Variants in PDE3A observed in about 807,000 individuals in gnomAD.
PDE3A encodes cGMP-inhibited 3',5'-cyclic phosphodiesterase 3A.
PDE3A carries 43 observed loss-of-function variants against 98.3 expected under a neutral mutation model. The ratio of observed to expected loss-of-function variants is 0.44; its 90% CI spans 0.34 to 0.56. The LOEUF (loss-of-function observed/expected upper bound fraction) is 0.56. Ranked by LOEUF, PDE3A falls within the 20% of genes least tolerant of loss-of-function variation. The pLI is 0.01. For missense variants in PDE3A, 1,427 were observed against 1,440.7 expected (o/e 0.99, Z 0.15); for synonymous variants, 663 against 567.9 (o/e 1.17, Z -2.38).
intron 1 of PDE3A, among the ~76,000 whole-genome samples, chr12:20,526,198 A>G (rs1946514365): frequency 6.6e-6 from 1 of 152,110 alleles, no homozygotes; most frequent in African/African-American, 2.4e-5. Context: ...CTCATCTTCT[A>G]TTTAGTTGAT....
chr12:20,621,433 G>A (rs762113898), intron 5 of PDE3A, 22 bp downstream of exon 5: 8 of 1,232,786 alleles, frequency 6.5e-6, no homozygotes, highest in Non-Finnish European at 7.2e-6. Context: ...AACTGGAGAA[G>A]GGTTCATACT....
At chr12:20,470,673 A>T (rs1186456985) in intron 1 of PDE3A, among the ~76,000 whole-genome samples, 1 of 152,160 alleles carries the variant, frequency 6.6e-6, no homozygotes, top group East Asian at 1.9e-4. Context: ...CTTAAATAAT[A>T]ATCTTGGAAT....
intron 1 of PDE3A, among the ~76,000 whole-genome samples, chr12:20,539,229 A>G (rs1941833491): frequency 6.6e-6 from 1 of 152,176 alleles, no homozygotes; most frequent in Non-Finnish European, 1.5e-5. Flanking sequence ...ACCCACGTCT[A>G]AAACACAAAA....
chr12:20,422,083 A>G (rs952365479), intron 1 of PDE3A, among the ~76,000 whole-genome samples: 4 of 152,338 alleles, frequency 2.6e-5, no homozygotes, highest in South Asian at 2.1e-4. Flanking sequence ...GCAATGGCTC[A>G]CGCCTGTAAT....
intron 15 of PDE3A, among the ~76,000 whole-genome samples, chr12:20,671,227 A>T (rs1945469677): frequency 6.7e-6 from 1 of 148,782 alleles, no homozygotes; most frequent in Non-Finnish European, 1.5e-5. Context: ...AACAAAAAAG[A>T]GTCCAGGACC....
At chr12:20,589,611 G>A (rs1249448089) in intron 2 of PDE3A, among the ~76,000 whole-genome samples, 2 of 152,010 alleles carry the variant, frequency 1.3e-5, no homozygotes, top group Admixed American at 1.3e-4. Flanking sequence ...GCTCACACCT[G>A]TAATCCCAGC....
At chr12:20,579,474 C>T (rs556730154) in intron 2 of PDE3A, among the ~76,000 whole-genome samples, 2 of 152,200 alleles carry the variant, frequency 1.3e-5, no homozygotes, top group Non-Finnish European at 2.9e-5. Flanking sequence ...AAATACAGAT[C>T]ACAGTAACCA....
intron 14 of PDE3A, 130 bp downstream of exon 14, chr12:20,650,730 G>A: frequency 2.1e-6 from 1 of 476,720 alleles, no homozygotes; most frequent in Non-Finnish European, 3.6e-6. Flanking sequence ...AAAATGCACT[G>A]GTCAATTTTG....
At chr12:20,440,735 T>A (rs1944857564) in intron 1 of PDE3A, among the ~76,000 whole-genome samples, 1 of 152,156 alleles carries the variant, frequency 6.6e-6, no homozygotes, top group South Asian at 2.1e-4. Flanking sequence ...GTTTGTGAAA[T>A]CTTTATCCCT....
intron 1 of PDE3A, among the ~76,000 whole-genome samples, chr12:20,549,247 A>G (rs1473101560): frequency 6.6e-6 from 1 of 151,440 alleles, no homozygotes; most frequent in Non-Finnish European, 1.5e-5. Context: ...ATAAAAATTC[A>G]TATGCTGTCA....
intron 2 of PDE3A, among the ~76,000 whole-genome samples, chr12:20,568,741 CT>C (rs1942722866): frequency 6.6e-6 from 1 of 151,904 alleles, no homozygotes; most frequent in African/African-American, 2.4e-5. Flanking sequence ...TCTCATTAAA[CT>C]TTTTCATAAT....
At chr12:20,460,455 A>G (rs1945227532) in intron 1 of PDE3A, among the ~76,000 whole-genome samples, 1 of 152,214 alleles carries the variant, frequency 6.6e-6, no homozygotes, top group African/African-American at 2.4e-5. Context: ...GAGAAATAGG[A>G]TGGTATCAAG....
intron 1 of PDE3A, among the ~76,000 whole-genome samples, chr12:20,393,976 G>A (rs998959684): frequency 3.9e-5 from 6 of 152,040 alleles, no homozygotes; most frequent in African/African-American, 9.7e-5. Flanking sequence ...GTATGTTGAC[G>A]TGAGAGAAAA....
intron 1 of PDE3A, among the ~76,000 whole-genome samples, chr12:20,393,749 C>T (rs187252488): frequency 4.9e-4 from 74 of 152,094 alleles, no homozygotes; most frequent in Admixed American, 1.6e-3. Context: ...AAGGTGGCAC[C>T]GTTAATGGTG....
rs1196220585 is a variant in PDE3A, at chr12:20,552,869, G to A, written c.961-3791G>A. On this transcript the variant is annotated intron_variant, in intron 1 of 15. Coordinates refer to ENST00000359062, the MANE Select transcript of PDE3A (RefSeq NM_000921.5). This position sits in a 1 kb window ranked among gnomAD's most constrained non-coding sequence, Gnocchi z 5.1. ...TGCCAGCACAACGTGTGCAAGGACT[G>A]CCTGGACAGATCCTTTCGGGCACAG... The A allele has an allele frequency of 6.2e-7, 1 of 1,613,678 alleles. No individual in the cohort carries two copies. The highest frequency in any genetic ancestry group is 8.5e-7 in the Non-Finnish European group (1 of 1,179,746).
rs1942261232 is a variant in PDE3A, at chr12:20,553,084, T to C, written c.961-3576T>C. On this transcript the variant is annotated intron_variant, in intron 1 of 15. Transcript: ENST00000359062. ...GCTCGTTCATCGGCACTGATTTTGT[T>C]CTTAGTGGGCTTAACTTAAACAGGT... is the stretch of plus-strand genomic sequence containing the variant. 3 of 878,318 alleles carry C rather than the reference T, an allele frequency of 3.4e-6. No homozygotes were observed. In the South Asian group the frequency reaches 4.9e-5, roughly 14 times the overall value. The allele number at this position is 878,318 out of a possible 1,614,324, so 54.4% of individuals were successfully genotyped here.
chr12:20,572,102 A>G (rs1380145157), intron 2 of PDE3A: 1 of 1,258,750 alleles, frequency 7.9e-7, no homozygotes, highest in Non-Finnish European at 1.0e-6. Context: ...CTGAACTTTA[A>G]AGAACATCTC....
chr12:20,457,767 T>C (rs1565555608), intron 1 of PDE3A, among the ~76,000 whole-genome samples: 2 of 151,128 alleles, frequency 1.3e-5, no homozygotes, highest in East Asian at 3.9e-4. Flanking sequence ...AAATGTGTCA[T>C]AGTTGGTTTA....
intron 1 of PDE3A, among the ~76,000 whole-genome samples, chr12:20,508,190 C>T (rs935745914): frequency 5.9e-5 from 9 of 152,104 alleles, no homozygotes; most frequent in African/African-American, 2.2e-4. Context: ...CAGTTATCCC[C>T]ATAGCTCACT....
Sources: allele counts gnomAD v4.1 joint callset (sites outside exome capture counted in the v4.1 genomes callset), GRCh38; gene constraint gnomAD v4.1.1; non-coding constraint Gnocchi (gnomAD v3.1); transcripts MANE v1.5; gene names NCBI Gene and HGNC (gene_info 2026-07-23, HGNC 2026-07-21).